BSN: variants seen among roughly 807,000 people sequenced by gnomAD.
BSN encodes the protein protein bassoon.
In BSN, 57 loss-of-function variants were observed where a neutral mutation model predicts 264.8. The observed-to-expected ratio is 0.22, with a 90% confidence interval of 0.17 to 0.27. BSN has a LOEUF of 0.27. Ranked by LOEUF, BSN falls within the 10% of genes least tolerant of loss-of-function variation. BSN has a pLI of 1.00. For missense variants in BSN, 4,615 were observed against 5,232.5 expected, an observed-to-expected ratio of 0.88 and a Z score of 3.64; for synonymous variants, 2,059 against 2,137.3, an observed-to-expected ratio of 0.96 and a Z score of 1.01.
intron 11 of BSN, among the ~76,000 whole-genome samples, chr3:49,666,292 T>C (rs1418816928): frequency 2.0e-5 from 3 of 152,156 alleles, no homozygotes; most frequent in South Asian, 4.1e-4. Context: ...CTAGGTGTGA[T>C]ACCTCACAGG....
chr3:49,624,317 T>TTTTTTTTTTTTTTTTTGA (rs1559607969), intron 1 of BSN, among the ~76,000 whole-genome samples: 1 of 127,792 alleles, frequency 7.8e-6, no homozygotes. Flanking sequence ...TTTTTTTTTT[T>TTTTTTTTTTTTTTTTTGA]AGACAGGGTC....
Position 49,656,572 on chromosome 3 carries a change from A to G in BSN, c.7016A>G (p.Asp2339Gly), listed in dbSNP as rs1159641320. 6.3e-7 allele frequency: 1 copy of G among 1,581,362 alleles called. No homozygotes were observed. Among genetic ancestry groups the G allele is most frequent in the African/African-American group, 1.4e-5 (1 of 73,730 alleles). ...APLAGQKPPA[D>G]AAPGGGSGAL... is the part of the protein sequence containing the mutation. ...CTAGCTGGCCAGAAGCCACCAGCAG[A>G]TGCTGCTCCTGGGGGTGGCAGTGGG... The change falls in exon 5 of 12, where the codon GAT (aspartate) becomes GGT (glycine). Residue 2339 changes from aspartate (D) to glycine (G), a missense_variant. Around this residue, in one of 3 missense-constraint regions of BSN, gnomAD observed 3,415 missense variants for 3,866.4 expected, o/e 0.88. Coordinates refer to ENST00000296452, the MANE Select transcript of BSN (RefSeq NM_003458.4).
At chr3:49,591,740 C>T (rs1261400636) in intron 1 of BSN, among the ~76,000 whole-genome samples, 4 of 151,988 alleles carry the variant, frequency 2.6e-5, no homozygotes, top group African/African-American at 9.7e-5. Flanking sequence ...AGATGTGTGC[C>T]ACTATGCCCA....
Position 49,653,710 on chromosome 3 carries a change from C to T in BSN, c.4154C>T (p.Ala1385Val). Residue 1385 changes from alanine (A) to valine (V), a missense_variant, in exon 5 of 12, where the codon GCT becomes GTT. Physicochemically the swap from Ala to Val is moderately conservative, Grantham distance 64. Transcript: ENST00000296452. This position sits in a 1 kb window ranked among gnomAD's most constrained non-coding sequence, Gnocchi z 6.3. Reference sequence around the variant, plus strand: ...GGCCCTGGGACCCCAGCCACCACAGCTGTGGCTCCTTGTCCAGCTGGGCTG... The same window carrying T: ...GGCCCTGGGACCCCAGCCACCACAGTTGTGGCTCCTTGTCCAGCTGGGCTG... Reference protein sequence around the residue: ...SQGPGTPATTAVAPCPAGLPR... With the variant: ...SQGPGTPATTVVAPCPAGLPR... 6.2e-7 allele frequency: 1 copy of T among 1,613,992 alleles called. No individual in the cohort carries two copies. Among genetic ancestry groups the T allele is most frequent in the Non-Finnish European group, 8.5e-7 (1 of 1,179,948 alleles).
At chr3:49,591,265 T>C (rs1170301512) in intron 1 of BSN, among the ~76,000 whole-genome samples, 3 of 152,196 alleles carry the variant, frequency 2.0e-5, no homozygotes, top group African/African-American at 4.8e-5. Flanking sequence ...ATATTACACT[T>C]CTATATGTTA....
intron 1 of BSN, among the ~76,000 whole-genome samples, chr3:49,578,133 C>A (rs893967814): frequency 6.6e-6 from 1 of 152,130 alleles, no homozygotes; most frequent in African/African-American, 2.4e-5. Flanking sequence ...AATTTAGAAA[C>A]GAATATTGCA....
At chr3:49,612,091 A>G (rs1475852995) in intron 1 of BSN, among the ~76,000 whole-genome samples, 3 of 152,214 alleles carry the variant, frequency 2.0e-5, no homozygotes, top group Non-Finnish European at 2.9e-5. Flanking sequence ...TTTACCTTCA[A>G]CAAAAATAAC....
chr3:49,576,778 C>T (rs1305672018), intron 1 of BSN, among the ~76,000 whole-genome samples: 1 of 152,204 alleles, frequency 6.6e-6, no homozygotes, highest in Non-Finnish European at 1.5e-5. Context: ...CAGGCTCATA[C>T]TCATCTGAGC....
rs753119246 is a variant in BSN, at chr3:49,655,794, G to C, written c.6238G>C (p.Val2080Leu). The C allele has an allele frequency of 6.2e-7, 1 of 1,613,350 alleles. No individual in the cohort carries two copies. Among genetic ancestry groups the C allele is most frequent in the East Asian group, 2.2e-5 (1 of 44,896 alleles). Residue 2080 changes from valine to leucine, a missense_variant, in exon 5 of 12, where the codon GTT (valine) becomes CTT (leucine). Coordinates refer to ENST00000296452, the MANE Select transcript of BSN (RefSeq NM_003458.4). ...CAGGTACGGCCCACGGGGAGATGCA[G>C]TTGGCTTCCAGGAGGCCAGCCTGGC... ...DHRYGPRGDA[V>L]GFQEASLAQY...
intron 11 of BSN, among the ~76,000 whole-genome samples, chr3:49,666,198 G>T (rs13083752): frequency 0.019 from 2,894 of 152,344 alleles, 41 homozygotes; most frequent in Non-Finnish European, 0.028. Flanking sequence ...GGGGCCTGGC[G>T]GTCAGTGAGC....
At chr3:49,583,927 G>T (rs960690437) in intron 1 of BSN, among the ~76,000 whole-genome samples, 4 of 152,280 alleles carry the variant, frequency 2.6e-5, no homozygotes, top group Middle Eastern at 3.4e-3. Context: ...AGGCTGGAGT[G>T]CAGTGGCGCG....
intron 1 of BSN, among the ~76,000 whole-genome samples, chr3:49,607,794 G>A (rs1188729870): frequency 6.6e-6 from 1 of 152,242 alleles, no homozygotes; most frequent in Non-Finnish European, 1.5e-5. Flanking sequence ...CCTGGAAAGG[G>A]GAAGAGAGTA....
intron 1 of BSN, among the ~76,000 whole-genome samples, chr3:49,600,098 A>G (rs543007297): frequency 1.3e-5 from 2 of 152,322 alleles, no homozygotes; most frequent in Admixed American, 1.3e-4. Flanking sequence ...TGTGTAATGT[A>G]TGAATTGGGG....
At position 49,670,930 on chromosome 3, in the gene BSN, T is replaced by C. The variant is rs1488587459; in HGVS notation, c.*3445T>C. ...GGTCCTGCCCTGTTGTCCCGTCTGC[T>C]CTCCTCTTACCCACCCCCATGCTGT... is the stretch of plus-strand genomic sequence containing the variant. On this transcript the variant is annotated 3_prime_UTR_variant, in exon 12 of 12. Coordinates refer to ENST00000296452, the MANE Select transcript of BSN (RefSeq NM_003458.4). 1 of 152,106 alleles carries C rather than the reference T, an allele frequency of 6.6e-6. No homozygotes were observed. Among genetic ancestry groups the C allele is most frequent in the Non-Finnish European group, 1.5e-5 (1 of 68,052 alleles). The allele number at this position is 152,106 out of a possible 1,614,324, so 9.4% of individuals were successfully genotyped here. A position where few individuals can be genotyped will look rare whatever the true frequency, so the allele number is the denominator to read the frequency against.
chr3:49,619,451 G>T (rs2052287207), intron 1 of BSN, among the ~76,000 whole-genome samples: 1 of 152,190 alleles, frequency 6.6e-6, no homozygotes, highest in Non-Finnish European at 1.5e-5. Context: ...GTGGGATGTG[G>T]TTAAGGACAT....
rs555932887 is a variant in BSN at position 49,652,736 on chromosome 3, G to T, written c.3180G>T (p.Arg1060=). ...EELLREQEKM[R]EVEQQRIRST... is the part of the protein sequence containing the mutation. ...TGCTTCGTGAGCAAGAGAAGATGCG[G>T]GAGGTGGAGCAGCAGCGCATCCGCA... The change falls in exon 5 of 12, where the codon CGG becomes CGT. Residue 1060 remains arginine (R), a synonymous_variant. Coordinates refer to ENST00000296452, the MANE Select transcript of BSN (RefSeq NM_003458.4). 6.4e-7 allele frequency: 1 copy of T among 1,562,032 alleles called. No homozygotes were observed. The highest frequency in any genetic ancestry group is 1.4e-5 in the African/African-American group (1 of 73,508).
At chr3:49,561,740 G>A (rs998190258) in intron 1 of BSN, among the ~76,000 whole-genome samples, 3 of 152,102 alleles carry the variant, frequency 2.0e-5, no homozygotes, top group South Asian at 4.1e-4. Flanking sequence ...AAATTTACAA[G>A]AATGCAATAC....
Position 49,656,406 on chromosome 3 carries a change from A to C in BSN, c.6850A>C (p.Lys2284Gln). ...PPAEGPVYLG[K>Q]PAAAKAPGAG... ...TGCAGAAGGGCCTGTCTATCTGGGG[A>C]AACCTGCTGCTGCCAAGGCCCCTGG... Residue 2284 changes from lysine (K) to glutamine (Q), a missense_variant, in exon 5 of 12, where the codon AAA (lysine) becomes CAA (glutamine). By Grantham distance (53) the Lys-to-Gln change is moderately conservative. This residue lies in a region of BSN where 3,415 missense variants were observed against 3,866.4 expected (regional missense o/e 0.88). Coordinates refer to ENST00000296452, the MANE Select transcript of BSN (RefSeq NM_003458.4). The C allele has an allele frequency of 6.3e-7, 1 of 1,589,716 alleles. No individual in the cohort carries two copies. The highest frequency in any genetic ancestry group is 8.6e-7 in the Non-Finnish European group (1 of 1,167,154).
In BSN at chr3:49,662,193, A is replaced by C; in HGVS notation, c.10348A>C (p.Ser3450Arg). 6.2e-7 allele frequency: 1 copy of C among 1,612,934 alleles called. No homozygotes were observed. The highest frequency in any genetic ancestry group is 8.5e-7 in the Non-Finnish European group (1 of 1,179,864). ...SSRSRAPSAY[S>R]GEKLSSHDFS... ...CCGGTCCCGGGCACCTTCTGCATAC[A>C]GTGGGGAGAAGCTGTCCAGCCACGA... The change falls in exon 6 of 12, where the codon AGT becomes CGT. Residue 3450 changes from serine (S) to arginine (R), a missense_variant. This residue lies in a region of BSN where 3,415 missense variants were observed against 3,866.4 expected (regional missense o/e 0.88). Transcript: ENST00000296452.
Sources: gnomAD v4.1 joint callset for allele counts (sites outside exome capture counted in the v4.1 genomes callset) on GRCh38, gnomAD v4.1.1 for gene constraint, gnomAD v4.1.1 regional missense constraint, Gnocchi (gnomAD v3.1) non-coding constraint, MANE v1.5 for transcripts, NCBI Gene and HGNC (gene_info 2026-07-23, HGNC 2026-07-21) for gene names.